The following GLB1L3 variants were observed in gnomAD, a reference collection of about 807,000 sequenced individuals.
GLB1L3 encodes the protein galactosidase beta 1 like 3, also known as beta-galactosidase-1-like protein 3.
Under a neutral mutation model 89.5 loss-of-function variants are expected in GLB1L3, and 89 were observed. That is an observed-to-expected ratio of 0.99 (90% CI 0.84 to 1.19). The LOEUF (loss-of-function observed/expected upper bound fraction) is 1.19. Ranked by LOEUF, GLB1L3 falls within the 50% of genes most tolerant of loss-of-function variation. GLB1L3 has a pLI of 0.00. For missense variants in GLB1L3, 812 were observed against 813.3 expected (o/e 1.00, Z 0.02); for synonymous variants, 314 against 312.3 (o/e 1.01, Z -0.06).
chr11:134,288,743 C>T, intron 6 of GLB1L3, 55 bp from the exon 7 acceptor site: 1 of 1,338,004 alleles, frequency 7.5e-7, no homozygotes, highest in South Asian at 1.3e-5. Context: ...TCAGAGACTC[C>T]AGGCTTTTGC....
At chr11:134,321,560 A>G (rs1467556639), downstream of GLB1L3, among the ~76,000 whole-genome samples, 1 of 152,188 alleles carries the variant, frequency 6.6e-6, no homozygotes, top group Non-Finnish European at 1.5e-5. Context: ...AAAATATGGC[A>G]CATATACTCC....
intron 10 of GLB1L3, among the ~76,000 whole-genome samples, chr11:134,308,371 C>CCACCAT (rs1942415304): frequency 1.5e-5 from 1 of 68,436 alleles, no homozygotes; most frequent in Middle Eastern, 6.3e-3. Context: ...ACCACCACCA[C>CCACCAT]CACCACCATC....
intron 4 of GLB1L3, 43 bp downstream of exon 4, chr11:134,281,488 C>T: frequency 3.9e-6 from 6 of 1,519,864 alleles, no homozygotes; most frequent in Non-Finnish European, 5.4e-6. Context: ...AGGGGCAGGG[C>T]ACAGAGGTGG....
In GLB1L3 at chr11:134,287,152, C is replaced by T. The variant is rs182558526; in HGVS notation, c.637-1646C>T. ...CTCCAGCCTGGGCGCCAGAGTGAGA[C>T]TCCGTCTCGAAAAAAAACAAAAACC... On this transcript the variant is annotated intron_variant, in intron 6 of 19. Coordinates refer to ENST00000431683, the MANE Select transcript of GLB1L3 (RefSeq NM_001080407.3). The T allele has an allele frequency of 8.5e-5, 13 of 152,366 alleles. 1 individual carries two copies. In the East Asian group the frequency reaches 2.3e-3, roughly 27 times the overall value. The allele number at this position is 152,366 out of a possible 1,614,324, so 9.4% of individuals were successfully genotyped here. A position where few individuals can be genotyped will look rare whatever the true frequency, so the allele number is the denominator to read the frequency against.
chr11:134,309,473 A>G (rs1391912971), intron 10 of GLB1L3, among the ~76,000 whole-genome samples, 153 bp from the exon 11 acceptor site: 1 of 118,158 alleles, frequency 8.5e-6, no homozygotes, highest in African/African-American at 3.4e-5. Flanking sequence ...CATTTTACTT[A>G]AAGTCTCCAT....
Position 134,277,854 on chromosome 11 carries a change from G to T in GLB1L3, c.304G>T (p.Glu102Ter), listed in dbSNP as rs1211208767. 1 of 1,614,032 alleles carries T rather than the reference G, an allele frequency of 6.2e-7. No individual in the cohort carries two copies. The highest frequency in any genetic ancestry group is 8.5e-7 in the Non-Finnish European group (1 of 1,179,998). The part of the protein sequence containing the change: ...GSIHYFRVPR[E>*]YWRDRLLKLK... ...CATCCACTATTTCCGGGTGCCCAGG[G>T]AGTACTGGAGGGACCGCCTGCTGAA... is the stretch of plus-strand genomic sequence containing the variant. The change falls in exon 3 of 20, where the codon GAG (glutamate) becomes TAG (stop). Residue 102 changes from glutamate to a stop codon, truncating the protein, a stop_gained. Coordinates refer to ENST00000431683, the MANE Select transcript of GLB1L3 (RefSeq NM_001080407.3). LOFTEE classifies it high-confidence loss of function.
chr11:134,305,181 T>A, intron 9 of GLB1L3: 1 of 1,174,580 alleles, frequency 8.5e-7, no homozygotes, highest in Non-Finnish European at 1.2e-6. Flanking sequence ...CTCCTTATAG[T>A]TCTTATCTGT....
At chr11:134,311,374 AGCAG>A (rs1261412279) in intron 13 of GLB1L3, 9 of 561,582 alleles carry the variant, frequency 1.6e-5, no homozygotes, top group Non-Finnish European at 2.9e-5. Context: ...GGGGAGGGGC[AGCAG>A]GACGTCGGAG....
chr11:134,308,220 C>CCAT (rs1565412459), intron 10 of GLB1L3, among the ~76,000 whole-genome samples: 2 of 23,112 alleles, frequency 8.7e-5, no homozygotes, highest in African/African-American at 2.3e-4. Flanking sequence ...ACCACCATCA[C>CCAT]CATCACCACC....
At chr11:134,310,499 C>T in intron 11 of GLB1L3, 72 bp from the exon 12 acceptor site, 1 of 1,193,254 alleles carries the variant, frequency 8.4e-7, no homozygotes, top group Non-Finnish European at 1.2e-6. Context: ...CTGGCCATCT[C>T]CTGCCAGCGG....
Position 134,319,357 on chromosome 11 carries a change from A to C in GLB1L3, c.*415A>C, listed in dbSNP as rs1943120050. 1 of 160,528 alleles carries C rather than the reference A, an allele frequency of 6.2e-6. No individual in the cohort carries two copies. Among genetic ancestry groups the C allele is most frequent in the Admixed American group, 6.2e-5 (1 of 16,256 alleles). 9.9% of individuals were successfully genotyped at this position (160,528 alleles called of 1,614,324 possible). On this transcript the variant is annotated 3_prime_UTR_variant, in exon 20 of 20. Coordinates refer to ENST00000431683, the MANE Select transcript of GLB1L3 (RefSeq NM_001080407.3). Reference sequence around the variant, plus strand: ...CACAGTGTTGCCTACAATAGCAAAAATGTGAAAATAACAACAACAACAAAA... The same window carrying C: ...CACAGTGTTGCCTACAATAGCAAAACTGTGAAAATAACAACAACAACAAAA...
intron 10 of GLB1L3, among the ~76,000 whole-genome samples, chr11:134,308,674 C>CACCA (rs1286714649): frequency 6.6e-6 from 1 of 151,200 alleles, no homozygotes; most frequent in African/African-American, 2.4e-5. Context: ...CCACCACCAC[C>CACCA]AACACCACCA....
At chr11:134,285,499 A>T (rs1565392278) in intron 6 of GLB1L3, among the ~76,000 whole-genome samples, 1 of 151,978 alleles carries the variant, frequency 6.6e-6, no homozygotes, top group Non-Finnish European at 1.5e-5. Flanking sequence ...AAAAATCTAG[A>T]TTATGGCCTG....
intron 9 of GLB1L3, among the ~76,000 whole-genome samples, chr11:134,297,876 A>AAAAAAAAAAAAAAAAAAAG (rs1555077361): frequency 1.8e-5 from 2 of 110,840 alleles, no homozygotes; most frequent in Non-Finnish European, 3.5e-5. Flanking sequence ...AAAAAAAAAA[A>AAAAAAAAAAAAAAAAAAAG]AAAGAAAGAA....
intron 8 of GLB1L3, chr11:134,292,468 C>T (rs961888604): frequency 7.0e-5 from 24 of 343,504 alleles, no homozygotes; most frequent in African/African-American, 2.1e-4. Flanking sequence ...GTTCTCAGGA[C>T]GCCTTTCCAT....
intron 9 of GLB1L3, 101 bp downstream of exon 9, chr11:134,293,310 C>G (rs909093976): frequency 5.0e-6 from 5 of 1,001,506 alleles, no homozygotes; most frequent in Non-Finnish European, 7.5e-6. Context: ...ACAAGAAGAC[C>G]GCAGGTTTTC....
At chr11:134,295,468 C>G (rs1565401553) in intron 9 of GLB1L3, among the ~76,000 whole-genome samples, 1 of 152,172 alleles carries the variant, frequency 6.6e-6, no homozygotes, top group South Asian at 2.1e-4. Flanking sequence ...GCGATGGCTC[C>G]TCTTTCAGTC....
rs1474254251 is a variant in GLB1L3, at chr11:134,314,357, C to G, written c.1695C>G (p.Val565=). 1 of 1,551,066 alleles carries G rather than the reference C, an allele frequency of 6.4e-7. No individual in the cohort carries two copies. Among genetic ancestry groups the G allele is most frequent in the Non-Finnish European group, 8.7e-7 (1 of 1,146,750 alleles). The part of the protein sequence containing the change: ...ERLRSATWKP[V]PDSHQGPAFY... ...TCCGCTCTGCCACCTGGAAGCCTGT[C>G]CCAGACAGCCACCAGGGCCCGGCCT... The change falls in exon 18 of 20, where the codon GTC becomes GTG. Residue 565 remains valine, a synonymous_variant. Transcript: ENST00000431683.
intron 9 of GLB1L3, 143 bp downstream of exon 9, chr11:134,293,352 T>C (rs928481289): frequency 3.3e-5 from 22 of 671,048 alleles, no homozygotes; most frequent in Non-Finnish European, 2.6e-5. Flanking sequence ...CCAAGCCATT[T>C]TGGGAGCCTT....
Sources: gnomAD v4.1 joint callset for allele counts (sites outside exome capture counted in the v4.1 genomes callset) on GRCh38, gnomAD v4.1.1 for gene constraint, MANE v1.5 for transcripts, NCBI Gene and HGNC (gene_info 2026-07-23, HGNC 2026-07-21) for gene names.